FCHO2: variants seen among roughly 807,000 people sequenced by gnomAD.
FCHO2 encodes the protein FCH and mu domain containing endocytic adaptor 2.
FCHO2 carries 43 observed loss-of-function variants against 114.1 expected under a neutral mutation model. The observed-to-expected ratio is 0.38, with a 90% confidence interval of 0.30 to 0.49. FCHO2 has a LOEUF of 0.49. Ranked by LOEUF, FCHO2 falls within the 20% of genes least tolerant of loss-of-function variation. The probability of loss-of-function intolerance (pLI) is 0.97; values close to 1 mark genes in which losing one functional copy is unlikely to be tolerated. For missense variants in FCHO2, 807 were observed against 950.4 expected, an observed-to-expected ratio of 0.85 and a Z score of 1.98; for synonymous variants, 293 against 315.2, an observed-to-expected ratio of 0.93 and a Z score of 0.75.
intron 13 of FCHO2, 61 bp downstream of exon 13, chr5:73,052,568 G>A: frequency 7.5e-7 from 1 of 1,340,150 alleles, no homozygotes; most frequent in African/African-American, 1.5e-5. Flanking sequence ...ACCTACCTGT[G>A]TCTGGTCAAA....
intron 7 of FCHO2, among the ~76,000 whole-genome samples, chr5:73,016,691 A>G (rs1755323856): frequency 6.9e-6 from 1 of 144,450 alleles, no homozygotes; most frequent in Admixed American, 7.1e-5. Context: ...AATATTAAAA[A>G]AGATTTTAAA....
Position 72,963,911 on chromosome 5 carries a change from T to G in FCHO2, c.34-4587T>G, listed in dbSNP as rs1265426992. On this transcript the variant is annotated intron_variant, in intron 1 of 25. Coordinates refer to ENST00000430046, the MANE Select transcript of FCHO2 (RefSeq NM_138782.3). ...TGTATGGGAACTTTCAGTTTTTTTT[T>G]TTTTTTTTTTTTTTTTTTGTTTATG... 1.2e-4 allele frequency among the ~76,000 whole-genome samples: 17 copies of G among 141,778 alleles called. No homozygotes were observed. In the South Asian group the frequency reaches 1.8e-3, roughly 15 times the overall value. 93.0% of individuals were successfully genotyped at this position (141,778 alleles called of 152,430 possible).
In FCHO2 at chr5:73,052,376, G is replaced by A. The variant is rs549072879; in HGVS notation, c.1042G>A (p.Glu348Lys). Residue 348 changes from glutamate (E) to lysine (K), a missense_variant, in exon 13 of 26, where the codon GAA (glutamate) becomes AAA (lysine). By Grantham distance (56) the Glu-to-Lys change is moderately conservative (BLOSUM62 1). Transcript: ENST00000430046. Reference sequence around the variant, plus strand: ...CTACTCATCTAGTGATTCTGACTCCGAAGATGAAGAACCAAAGAAGTATCG... The same window carrying A: ...CTACTCATCTAGTGATTCTGACTCCAAAGATGAAGAACCAAAGAAGTATCG... The part of the protein sequence containing the change: ...HFYSSSDSDS[E>K]DEEPKKYRIE... 1.6e-5 allele frequency: 26 copies of A among 1,608,462 alleles called. No individual in the cohort carries two copies. The East Asian group carries it at 1.8e-4, about 11-fold the overall frequency.
At chr5:72,965,719 T>C (rs1752167863) in intron 1 of FCHO2, among the ~76,000 whole-genome samples, 1 of 152,214 alleles carries the variant, frequency 6.6e-6, no homozygotes, top group Non-Finnish European at 1.5e-5. Flanking sequence ...ATTAGTAAAA[T>C]GTTTTTTGGT....
chr5:73,046,926 G>A (rs1024072469), intron 11 of FCHO2, among the ~76,000 whole-genome samples: 1 of 152,084 alleles, frequency 6.6e-6, no homozygotes, highest in East Asian at 1.9e-4. Context: ...CTTGTGTTGT[G>A]CCTGCCTTCA....
At chr5:73,072,044 A>G (rs762040368) in intron 19 of FCHO2, among the ~76,000 whole-genome samples, 3 of 149,494 alleles carry the variant, frequency 2.0e-5, no homozygotes, top group Non-Finnish European at 3.0e-5. Flanking sequence ...TTTTTTTTTT[A>G]ATGAGACAGG....
At chr5:72,958,572 CTGT>C (rs1206741952) in intron 1 of FCHO2, among the ~76,000 whole-genome samples, 1 of 152,094 alleles carries the variant, frequency 6.6e-6, no homozygotes, top group African/African-American at 2.4e-5. Flanking sequence ...GTTTGGATTG[CTGT>C]TGTTTGGATT....
chr5:72,993,174 G>A (rs1241760358), intron 5 of FCHO2, among the ~76,000 whole-genome samples: 1 of 151,642 alleles, frequency 6.6e-6, no homozygotes, highest in Non-Finnish European at 1.5e-5. Context: ...AGAAGATTAA[G>A]AAATTAAACG....
chr5:73,076,629 G>C (rs982660686), intron 20 of FCHO2, among the ~76,000 whole-genome samples: 2 of 152,122 alleles, frequency 1.3e-5, no homozygotes, highest in South Asian at 4.1e-4. Context: ...TTGATTATCT[G>C]TTGAAACAGT....
At chr5:72,973,958 G>T (rs1190147603) in intron 2 of FCHO2, among the ~76,000 whole-genome samples, 2 of 150,692 alleles carry the variant, frequency 1.3e-5, no homozygotes, top group African/African-American at 4.9e-5. Context: ...ATTTCGTTAT[G>T]TACCCAGTAG....
At chr5:73,028,921 A>T (rs1169533302) in intron 8 of FCHO2, among the ~76,000 whole-genome samples, 3 of 152,278 alleles carry the variant, frequency 2.0e-5, no homozygotes, top group Non-Finnish European at 4.4e-5. Flanking sequence ...TGCTGGGATT[A>T]CAGGTGGAGC....
At chr5:73,050,991 C>T in intron 11 of FCHO2, 1 of 225,840 alleles carries the variant, frequency 4.4e-6, no homozygotes, top group Non-Finnish European at 8.5e-6. Context: ...TAATAGCTTT[C>T]AAATCACATG....
chr5:73,074,805 C>G lies in FCHO2; in HGVS notation c.1643C>G (p.Ala548Gly). The G allele has an allele frequency of 1.2e-6, 2 of 1,612,908 alleles. No homozygotes were observed. Among genetic ancestry groups the G allele is most frequent in the Non-Finnish European group, 1.7e-6 (2 of 1,179,434 alleles). ...CAGGATACCTTACCTGTGGCAGTTG[C>G]CCTTACAGAATCTGTTAATGCCTAC... ...GNQDTLPVAV[A>G]LTESVNAYFK... The change falls in exon 20 of 26, where the codon GCC becomes GGC. Residue 548 changes from alanine (A) to glycine (G), a missense_variant. Physicochemically the swap from Ala to Gly is moderately conservative, Grantham distance 60. Coordinates refer to ENST00000430046, the MANE Select transcript of FCHO2 (RefSeq NM_138782.3).
chr5:72,978,762 T>A (rs1476538684), intron 2 of FCHO2, among the ~76,000 whole-genome samples: 3 of 152,200 alleles, frequency 2.0e-5, no homozygotes, highest in Non-Finnish European at 4.4e-5. Context: ...AAATAGCTCT[T>A]ATTGTTTTGA....
chr5:72,982,565 G>T (rs1187254634), intron 2 of FCHO2, among the ~76,000 whole-genome samples: 1 of 152,098 alleles, frequency 6.6e-6, no homozygotes, highest in Non-Finnish European at 1.5e-5. Context: ...TTTGGGTTTG[G>T]AATACCTTTA....
At chr5:73,012,701 A>G (rs556317905) in intron 6 of FCHO2, among the ~76,000 whole-genome samples, 34 of 152,200 alleles carry the variant, frequency 2.2e-4, no homozygotes, top group African/African-American at 4.3e-4. Context: ...GTGCCTATCT[A>G]ATTTGTTCAG....
At chr5:73,035,691 A>G (rs1756462580) in intron 9 of FCHO2, among the ~76,000 whole-genome samples, 1 of 151,970 alleles carries the variant, frequency 6.6e-6, no homozygotes, top group Non-Finnish European at 1.5e-5. Context: ...TTTTTAGAGA[A>G]AGGGTTTCAC....
Position 73,003,520 on chromosome 5 carries a change from G to T in FCHO2, c.496-2925G>T, listed in dbSNP as rs116600972. Among the ~76,000 whole-genome samples, 998 of 151,978 alleles carry T rather than the reference G, an allele frequency of 6.6e-3. 10 individuals are homozygous for T. Among genetic ancestry groups the T allele is most frequent in the African/African-American group, 0.023 (959 of 41,440 alleles). ...AGTGTATGCACAGTCATTATAATTA[G>T]GTATTTTTGGAATTTTCCAGTTTTA... On this transcript the variant is annotated intron_variant, in intron 5 of 25. Coordinates refer to ENST00000430046, the MANE Select transcript of FCHO2 (RefSeq NM_138782.3).
chr5:73,038,754 T>C (rs945619485), intron 10 of FCHO2, among the ~76,000 whole-genome samples: 6 of 152,192 alleles, frequency 3.9e-5, no homozygotes, highest in African/African-American at 1.4e-4. Flanking sequence ...TATCAAATCT[T>C]CTGCAAATGT....
Sources: gnomAD v4.1 joint callset for allele counts (sites outside exome capture counted in the v4.1 genomes callset) on GRCh38, gnomAD v4.1.1 for gene constraint, MANE v1.5 for transcripts, NCBI Gene and HGNC (gene_info 2026-07-23, HGNC 2026-07-21) for gene names.